The following CLDN24 variants were observed in gnomAD, a reference collection of about 807,000 sequenced individuals.
CLDN24 encodes claudin 24, also known as claudin-24.
For synonymous variants in CLDN24, 103 were observed against 104.7 expected, an observed-to-expected ratio of 0.98 and a Z score of 0.10; for missense variants, 217 against 253.9, an observed-to-expected ratio of 0.85 and a Z score of 0.99.
rs781171605 is a variant in CLDN24 at position 183,321,836 on chromosome 4, G to A, written c.591C>T (p.Gly197=). The change falls in exon 1 of 1, where the codon GGC becomes GGT. Residue 197 remains glycine, a synonymous_variant. Transcript: ENST00000541814. ...ACSSHAPLAL[G]HYAVAQMQTQ... Reference sequence around the variant, plus strand: ...TTTGCATTTGCGCCACTGCATAGTGGCCCAAAGCTAGGGGAGCGTGGCTGG... The same window carrying A: ...TTTGCATTTGCGCCACTGCATAGTGACCCAAAGCTAGGGGAGCGTGGCTGG... The A allele has an allele frequency of 1.3e-6, 2 of 1,553,656 alleles. No homozygotes were observed. Among genetic ancestry groups the A allele is most frequent in the Admixed American group, 2.0e-5 (1 of 51,200 alleles).
Position 183,322,036 on chromosome 4 carries a change from T to C in CLDN24, c.391A>G (p.Ile131Val), listed in dbSNP as rs113396985. The C allele has an allele frequency of 6.5e-3, 10,479 of 1,613,194 alleles. 530 individuals carry two copies. The African/African-American group carries it at 0.12, about 18-fold the overall frequency. The part of the protein sequence containing the change: ...LGGILSWASG[I>V]TALVPVSWVA... ...CAAGAGACGGGAACCAGGGCTGTGA[T>C]TCCCGAGGCCCAGGACAGAATTCCT... The change falls in exon 1 of 1, where the codon ATC becomes GTC. Residue 131 changes from isoleucine to valine, a missense_variant. By Grantham distance (29) the Ile-to-Val change is conservative (BLOSUM62 3). Transcript: ENST00000541814.
At position 183,322,048 on chromosome 4, in the gene CLDN24, A is replaced by G. The variant is rs1739665141; in HGVS notation, c.379T>C (p.Trp127Arg). The change falls in exon 1 of 1, where the codon TGG (tryptophan) becomes CGG (arginine). Residue 127 changes from tryptophan to arginine, a missense_variant. Physicochemically the swap from Trp to Arg is moderately radical, Grantham distance 101. Coordinates refer to ENST00000541814, the MANE Select transcript of CLDN24 (RefSeq NM_001185149.1). The stretch of plus-strand genomic sequence containing the variant: ...ACCAGGGCTGTGATTCCCGAGGCCC[A>G]GGACAGAATTCCTCCCAGAATGAGC... ...RLLILGGILS[W>R]ASGITALVPV... The G allele has an allele frequency of 1.9e-6, 3 of 1,613,840 alleles. No homozygotes were observed. In the African/African-American group the frequency reaches 4.0e-5, roughly 22 times the overall value.
rs775405586 is a variant in CLDN24, at chr4:183,322,336, G to A, written c.91C>T (p.Pro31Ser). The A allele has an allele frequency of 9.2e-5, 148 of 1,613,696 alleles. No homozygotes were observed. In the African/African-American group the frequency reaches 1.7e-3, roughly 18 times the overall value. ...WILSIITTYL[P>S]HWKNLNLDLN... ...TCCAGGTTGAGGTTCTTCCAGTGTG[G>A]CAAATAAGTTGTAATAATGGATAAA... The change falls in exon 1 of 1, where the codon CCA (proline) becomes TCA (serine). Residue 31 changes from proline to serine, a missense_variant. Pro to Ser is a moderately conservative substitution (Grantham distance 74). Transcript: ENST00000541814.
In CLDN24 at chr4:183,321,765, TACAC is replaced by T. The variant is rs1739654189; in HGVS notation, c.658_661del (p.Val220_Ter221delextTer?). On this transcript the variant is annotated frameshift_variant and stop_lost, in exon 1 of 1. Coordinates refer to ENST00000541814, the MANE Select transcript of CLDN24 (RefSeq NM_001185149.1). LOFTEE classifies it high-confidence loss of function. ...TACATCTCTGGCCTTGTCGGAGTCT[TACAC>T]TTGAGGATCTGCTGTCCCATCTTCC... 1.3e-6 allele frequency: 2 copies of T among 1,541,794 alleles called. No individual in the cohort carries two copies. The highest frequency in any genetic ancestry group is 2.0e-5 in the Admixed American group (1 of 50,560).
Position 183,322,399 on chromosome 4 carries a change from G to A in CLDN24, c.28C>T (p.Gln10Ter), listed in dbSNP as rs764529171. The A allele has an allele frequency of 2.5e-6, 4 of 1,607,040 alleles. No homozygotes were observed. The highest frequency in any genetic ancestry group is 1.1e-5 in the South Asian group (1 of 91,064). ...AGAGATAGTAAAAGTCCAACAGATT[G>A]CATTGCTGTTCTAAAGATTAAAGCC... MALIFRTAMQSVGLLLSLLG... is the reference protein window; with the variant it reads MALIFRTAM Residue 10 changes from glutamine to a stop codon, truncating the protein, a stop_gained, in exon 1 of 1, where the codon CAA (glutamine) becomes TAA (stop). Transcript: ENST00000541814. LOFTEE classifies it low-confidence loss of function (END_TRUNC).
At position 183,321,787 on chromosome 4, in the gene CLDN24, C is replaced by A; in HGVS notation, c.640G>T (p.Gly214Trp). 1 of 1,548,106 alleles carries A rather than the reference C, an allele frequency of 6.5e-7. No homozygotes were observed. The highest frequency in any genetic ancestry group is 1.2e-5 in the South Asian group (1 of 83,890). ...TCTTACACTTGAGGATCTGCTGTCC[C>A]ATCTTCCAGGTAGGGACACTGAGTT... ...MQTQCPYLED[G>W]TADPQV The change falls in exon 1 of 1, where the codon GGG becomes TGG. Residue 214 changes from glycine to tryptophan, a missense_variant. Coordinates refer to ENST00000541814, the MANE Select transcript of CLDN24 (RefSeq NM_001185149.1).
Position 183,321,985 on chromosome 4 carries a change from A to T in CLDN24, c.442T>A (p.Phe148Ile). The T allele has an allele frequency of 6.2e-7, 1 of 1,610,304 alleles. No homozygotes were observed. The highest frequency in any genetic ancestry group is 8.5e-7 in the Non-Finnish European group (1 of 1,178,260). ...SWVAHKTVQE[F>I]WDENVPDFVP... ...AAGTCTGGGACGTTCTCATCCCAGA[A>T]CTCCTGAACCGTCTTGTGGGCAACC... is the stretch of plus-strand genomic sequence containing the variant. The change falls in exon 1 of 1, where the codon TTC becomes ATC. Residue 148 changes from phenylalanine to isoleucine, a missense_variant. Physicochemically the swap from Phe to Ile is conservative, Grantham distance 21. Coordinates refer to ENST00000541814, the MANE Select transcript of CLDN24 (RefSeq NM_001185149.1).
chr4:183,321,822 G>A lies in CLDN24; in HGVS notation c.605C>T (p.Ala202Val), dbSNP rs956426042. ...APLALGHYAV[A>V]QMQTQCPYLE... ...GTAGGGACACTGAGTTTGCATTTGC[G>A]CCACTGCATAGTGGCCCAAAGCTAG... Residue 202 changes from alanine to valine, a missense_variant, in exon 1 of 1, where the codon GCG becomes GTG. By Grantham distance (64) the Ala-to-Val change is moderately conservative (BLOSUM62 0). Transcript: ENST00000541814. 11 of 1,552,006 alleles carry A rather than the reference G, an allele frequency of 7.1e-6. No homozygotes were observed. The highest frequency in any genetic ancestry group is 5.5e-5 in the African/African-American group (4 of 73,044).
In CLDN24 at chr4:183,322,204, C is replaced by T. The variant is rs1180092794; in HGVS notation, c.223G>A (p.Ala75Thr). ...KDFDSFLALP[A>T]ELRVSRILMF... ...AAGATCCTGGAGACCCTGAGTTCAG[C>T]AGGCAAAGCCAGGAAGGAGTCAAAG... Residue 75 changes from alanine to threonine, a missense_variant, in exon 1 of 1, where the codon GCT (alanine) becomes ACT (threonine). Coordinates refer to ENST00000541814, the MANE Select transcript of CLDN24 (RefSeq NM_001185149.1). The T allele has an allele frequency of 6.2e-7, 1 of 1,613,578 alleles. No homozygotes were observed. The highest frequency in any genetic ancestry group is 8.5e-7 in the Non-Finnish European group (1 of 1,179,596).
At position 183,322,375 on chromosome 4, in the gene CLDN24, G is replaced by A. The variant is rs7688467; in HGVS notation, c.52C>T (p.Leu18Phe). Residue 18 changes from leucine to phenylalanine, a missense_variant, in exon 1 of 1, where the codon CTC (leucine) becomes TTC (phenylalanine). Physicochemically the swap from Leu to Phe is conservative, Grantham distance 22 (BLOSUM62 0). Coordinates refer to ENST00000541814, the MANE Select transcript of CLDN24 (RefSeq NM_001185149.1). ...AMQSVGLLLS[L>F]LGWILSIITT... The stretch of plus-strand genomic sequence containing the variant: ...ATAATGGATAAAATCCATCCCAGGA[G>A]AGATAGTAAAAGTCCAACAGATTGC... The A allele has an allele frequency of 0.79, 1,273,990 of 1,611,184 alleles. 505,919 individuals are homozygous for A. Among genetic ancestry groups the A allele is most frequent in the Non-Finnish European group, 0.81 (954,409 of 1,179,936 alleles).
In CLDN24 at chr4:183,322,379, TAG is replaced by T; in HGVS notation, c.46_47del (p.Leu16IlefsTer26). ...RTAMQSVGLL[L>X]SLLGWILSII... is the part of the protein sequence containing the mutation. Reference sequence around the variant, plus strand: ...TGGATAAAATCCATCCCAGGAGAGATAGTAAAAGTCCAACAGATTGCATTGCT... The same window carrying T: ...TGGATAAAATCCATCCCAGGAGAGATTAAAAGTCCAACAGATTGCATTGCT... On this transcript the variant is annotated frameshift_variant, in exon 1 of 1. Transcript: ENST00000541814. LOFTEE classifies it low-confidence loss of function (END_TRUNC). 7 of 1,610,424 alleles carry T rather than the reference TAG, an allele frequency of 4.3e-6. No individual in the cohort carries two copies. Among genetic ancestry groups the T allele is most frequent in the Non-Finnish European group, 5.9e-6 (7 of 1,180,004 alleles).
In CLDN24 at chr4:183,322,326, T is replaced by G. The variant is rs772051376; in HGVS notation, c.101A>C (p.Lys34Thr). ...SIITTYLPHW[K>T]NLNLDLNEME... ...TTCATTTAAGTCCAGGTTGAGGTTC[T>G]TCCAGTGTGGCAAATAAGTTGTAAT... Residue 34 changes from lysine to threonine, a missense_variant, in exon 1 of 1, where the codon AAG (lysine) becomes ACG (threonine). Coordinates refer to ENST00000541814, the MANE Select transcript of CLDN24 (RefSeq NM_001185149.1). 61 of 1,613,880 alleles carry G rather than the reference T, an allele frequency of 3.8e-5. No homozygotes were observed. The highest frequency in any genetic ancestry group is 4.9e-5 in the Non-Finnish European group (58 of 1,180,040).
rs1433355728 is a variant in CLDN24, at chr4:183,322,167, G to T, written c.260C>A (p.Ser87Ter). The change falls in exon 1 of 1, where the codon TCA becomes TAA. Residue 87 changes from serine to a stop codon, truncating the protein, a stop_gained. Coordinates refer to ENST00000541814, the MANE Select transcript of CLDN24 (RefSeq NM_001185149.1). LOFTEE classifies it low-confidence loss of function (END_TRUNC). ...CAGGCCCAGAAATCCCAGCCCATTT[G>T]ACAGAAACATTAAGATCCTGGAGAC... The part of the protein sequence containing the change: ...LRVSRILMFL[S>*]NGLGFLGLLV... The T allele has an allele frequency of 6.2e-7, 1 of 1,612,904 alleles. No individual in the cohort carries two copies. Among genetic ancestry groups the T allele is most frequent in the Non-Finnish European group, 8.5e-7 (1 of 1,179,284 alleles).
In CLDN24 at chr4:183,322,403, T is replaced by A; in HGVS notation, c.24A>T (p.Ala8=). ...ATAGTAAAAGTCCAACAGATTGCAT[T>A]GCTGTTCTAAAGATTAAAGCCATTG... is the stretch of plus-strand genomic sequence containing the variant. The part of the protein sequence containing the change: MALIFRT[A]MQSVGLLLSL... Residue 8 remains alanine, a synonymous_variant, in exon 1 of 1, where the codon GCA becomes GCT. Transcript: ENST00000541814. 1 of 1,606,208 alleles carries A rather than the reference T, an allele frequency of 6.2e-7. No homozygotes were observed. The highest frequency in any genetic ancestry group is 8.5e-7 in the Non-Finnish European group (1 of 1,179,870).
chr4:183,321,916 A>G lies in CLDN24; in HGVS notation c.511T>C (p.Phe171Leu), dbSNP rs1739660470. 5 of 1,585,366 alleles carry G rather than the reference A, an allele frequency of 3.2e-6. No individual in the cohort carries two copies. The highest frequency in any genetic ancestry group is 4.3e-6 in the Non-Finnish European group (5 of 1,165,666). Residue 171 changes from phenylalanine to leucine, a missense_variant, in exon 1 of 1, where the codon TTT becomes CTT. By Grantham distance (22) the Phe-to-Leu change is conservative. Transcript: ENST00000541814. ...CCTAGCAGAAGAGAAAGTCCAGCAA[A>G]CCAGCCCAGAAACAGGGCCTCCCCA... ...EFGEALFLGW[F>L]AGLSLLLGGC...
Position 183,322,181 on chromosome 4 carries a change from G to T in CLDN24, c.246C>A (p.Ile82=). ...ALPAELRVSR[I]LMFLSNGLGF... is the part of the protein sequence containing the mutation. ...CCAGCCCATTTGACAGAAACATTAA[G>T]ATCCTGGAGACCCTGAGTTCAGCAG... The change falls in exon 1 of 1, where the codon ATC becomes ATA. Residue 82 remains isoleucine, a synonymous_variant. Coordinates refer to ENST00000541814, the MANE Select transcript of CLDN24 (RefSeq NM_001185149.1). 1 of 1,613,180 alleles carries T rather than the reference G, an allele frequency of 6.2e-7. No individual in the cohort carries two copies.
In CLDN24 at chr4:183,321,802, G is replaced by T. The variant is rs1429713252; in HGVS notation, c.625C>A (p.Pro209Thr). The T allele has an allele frequency of 1.3e-6, 2 of 1,550,394 alleles. No homozygotes were observed. Among genetic ancestry groups the T allele is most frequent in the Non-Finnish European group, 1.7e-6 (2 of 1,146,936 alleles). ...TCTGCTGTCCCATCTTCCAGGTAGG[G>T]ACACTGAGTTTGCATTTGCGCCACT... The part of the protein sequence containing the change: ...YAVAQMQTQC[P>T]YLEDGTADPQ... The change falls in exon 1 of 1, where the codon CCC (proline) becomes ACC (threonine). Residue 209 changes from proline (P) to threonine (T), a missense_variant. Physicochemically the swap from Pro to Thr is conservative, Grantham distance 38. Transcript: ENST00000541814.
chr4:183,322,178 T>G lies in CLDN24; in HGVS notation c.249A>C (p.Leu83Phe). ...LPAELRVSRI[L>F]MFLSNGLGFL... ...ATCCCAGCCCATTTGACAGAAACAT[T>G]AAGATCCTGGAGACCCTGAGTTCAG... The change falls in exon 1 of 1, where the codon TTA becomes TTC. Residue 83 changes from leucine (L) to phenylalanine (F), a missense_variant. By Grantham distance (22) the Leu-to-Phe change is conservative. Transcript: ENST00000541814. The G allele has an allele frequency of 1.2e-6, 2 of 1,613,020 alleles. No individual in the cohort carries two copies. Among genetic ancestry groups the G allele is most frequent in the Non-Finnish European group, 1.7e-6 (2 of 1,179,404 alleles).
At position 183,321,888 on chromosome 4, in the gene CLDN24, C is replaced by T. The variant is rs1357201205; in HGVS notation, c.539G>A (p.Gly180Glu). Residue 180 changes from glycine (G) to glutamate (E), a missense_variant, in exon 1 of 1, where the codon GGG (glycine) becomes GAG (glutamate). Transcript: ENST00000541814. The stretch of plus-strand genomic sequence containing the variant: ...GCAGGCTGCGCAGTTGAGCAGACAC[C>T]CTCCTAGCAGAAGAGAAAGTCCAGC... ...WFAGLSLLLG[G>E]CLLNCAACSS... The T allele has an allele frequency of 1.3e-6, 2 of 1,575,510 alleles. No individual in the cohort carries two copies. The highest frequency in any genetic ancestry group is 1.7e-6 in the Non-Finnish European group (2 of 1,160,486).
Sources: gnomAD v4.1 joint callset for allele counts on GRCh38, gnomAD v4.1.1 for gene constraint, MANE v1.5 for transcripts, NCBI Gene and HGNC (gene_info 2026-07-23, HGNC 2026-07-21) for gene names.